Variants in LARS1 observed in about 807,000 individuals in gnomAD.
The protein encoded by LARS1 is leucyl-tRNA synthetase 1.
LARS1 carries 100 observed loss-of-function variants against 162.8 expected under a neutral mutation model. The ratio of observed to expected loss-of-function variants is 0.61; its 90% CI spans 0.52 to 0.73. The LOEUF is 0.73. Among genes scored for constraint, LARS1 ranks in the 30% least tolerant of loss-of-function variants. LARS1 has a pLI of 0.00. For missense variants in LARS1, 1,258 were observed against 1,408.9 expected (o/e 0.89, Z 1.71); for synonymous variants, 457 against 462.8 (o/e 0.99, Z 0.16).
In LARS1 at chr5:146,177,594, A is replaced by G. The variant is rs778538605; in HGVS notation, c.78T>C (p.Thr26=). Reference sequence around the variant, plus strand: ...ATGCATTGACCTCAAACACTCTCTCAGTATCCCATTTCTGTTGGATTTCTT... The same window carrying G: ...ATGCATTGACCTCAAACACTCTCTCGGTATCCCATTTCTGTTGGATTTCTT... ...IEKEIQQKWD[T]ERVFEVNASN... is the part of the protein sequence containing the mutation. Residue 26 remains threonine, a synonymous_variant, in exon 2 of 32, where the codon ACT becomes ACC. Coordinates refer to ENST00000394434, the MANE Select transcript of LARS1 (RefSeq NM_020117.11). 37 of 1,605,354 alleles carry G rather than the reference A, an allele frequency of 2.3e-5. No individual in the cohort carries two copies. Among genetic ancestry groups the G allele is most frequent in the Non-Finnish European group, 3.1e-5 (36 of 1,174,898 alleles).
At chr5:146,115,070 A>G (rs1235286812) in intron 31 of LARS1, among the ~76,000 whole-genome samples, 4 of 147,296 alleles carry the variant, frequency 2.7e-5, no homozygotes, top group Non-Finnish European at 6.0e-5. Context: ...AAAAAAAACA[A>G]TCCCAGGAGC....
At chr5:146,174,006 A>G (rs1754393402) in intron 2 of LARS1, among the ~76,000 whole-genome samples, 1 of 152,082 alleles carries the variant, frequency 6.6e-6, no homozygotes, top group Admixed American at 6.6e-5. Flanking sequence ...TTCACTAAAC[A>G]AAGCAGCTTT....
intron 4 of LARS1, among the ~76,000 whole-genome samples, chr5:146,171,335 C>T (rs187445973): frequency 2.0e-5 from 3 of 149,008 alleles, no homozygotes; most frequent in Admixed American, 6.8e-5. Flanking sequence ...GCAGCCTGGA[C>T]GACAAAAGCA....
At chr5:146,141,232 G>A (rs1752764521) in intron 20 of LARS1, among the ~76,000 whole-genome samples, 2 of 152,152 alleles carry the variant, frequency 1.3e-5, no homozygotes, top group South Asian at 4.1e-4. Flanking sequence ...TAGCTGGGTA[G>A]CTTTGGATTA....
chr5:146,144,191 G>A lies in LARS1; in HGVS notation c.1738+76C>T, dbSNP rs747908440. 11 of 1,078,478 alleles carry A rather than the reference G, an allele frequency of 1.0e-5. No individual in the cohort carries two copies. The Admixed American group carries it at 2.5e-4, about 24-fold the overall frequency. 66.8% of individuals were successfully genotyped at this position (1,078,478 alleles called of 1,614,324 possible). On this transcript the variant is annotated intron_variant, in intron 18 of 31. Coordinates refer to ENST00000394434, the MANE Select transcript of LARS1 (RefSeq NM_020117.11). ...CAGAAAACACTAGAATTGAGGGCAG[G>A]GGGGAAAGGTAAAAATGTATATTTT...
chr5:146,123,530 T>C (rs147394198), intron 29 of LARS1, among the ~76,000 whole-genome samples: 36 of 151,970 alleles, frequency 2.4e-4, no homozygotes, highest in Admixed American at 4.6e-4. Flanking sequence ...AATCATAATA[T>C]ATCATGAACC....
At position 146,157,634 on chromosome 5, in the gene LARS1, A is replaced by G. The variant is rs759535383; in HGVS notation, c.840-6T>C. The G allele has an allele frequency of 2.7e-4, 431 of 1,611,252 alleles. 1 individual carries two copies. The highest frequency in any genetic ancestry group is 3.5e-4 in the Non-Finnish European group (410 of 1,178,458). ...TATTTTTACCTTTCAGGCCACTGAGAAAAAAAAACAAATATTGATGTAAAA... is the reference window on the plus strand; with the variant it reads ...TATTTTTACCTTTCAGGCCACTGAGGAAAAAAAACAAATATTGATGTAAAA... On this transcript the variant is annotated splice_polypyrimidine_tract_variant and splice_region_variant and intron_variant, in intron 9 of 31. Coordinates refer to ENST00000394434, the MANE Select transcript of LARS1 (RefSeq NM_020117.11).
At chr5:146,182,424 G>A in intron 1 of LARS1, 64 bp downstream of exon 1, 1 of 1,604,022 alleles carries the variant, frequency 6.2e-7, no homozygotes, top group Non-Finnish European at 8.5e-7. Flanking sequence ...AGCACATGGA[G>A]AGCCCCTAGA....
Position 146,135,590 on chromosome 5 carries a change from T to A in LARS1, c.2212+11A>T, listed in dbSNP as rs2126445841. ...CCCTACAGAACAGCAATAAGAAAAA[T>A]GTTTACTCACCATCTGCTGAAAATT... On this transcript the variant is annotated intron_variant, in intron 22 of 31. Coordinates refer to ENST00000394434, the MANE Select transcript of LARS1 (RefSeq NM_020117.11). 6.3e-7 allele frequency: 1 copy of A among 1,589,048 alleles called. No individual in the cohort carries two copies. Among genetic ancestry groups the A allele is most frequent in the South Asian group, 1.1e-5 (1 of 87,224 alleles).
intron 2 of LARS1, 38 bp downstream of exon 2, chr5:146,177,503 TATATAG>T: frequency 3.1e-6 from 1 of 324,054 alleles, no homozygotes; most frequent in Non-Finnish European, 5.7e-6. Context: ...TATATATATA[TATATAG>T]AAATACAATG....
intron 1 of LARS1, among the ~76,000 whole-genome samples, chr5:146,180,680 G>A (rs1222780859): frequency 6.6e-6 from 1 of 152,114 alleles, no homozygotes; most frequent in Non-Finnish European, 1.5e-5. Flanking sequence ...AGAAAAACTT[G>A]TTTCTCAAAA....
chr5:146,128,891 CTTT>C (rs1752155793), intron 26 of LARS1, 84 bp downstream of exon 26: 7 of 1,438,188 alleles, frequency 4.9e-6, no homozygotes, highest in Non-Finnish European at 5.7e-6. Context: ...TAATGAAAAT[CTTT>C]TTAACTTTCA....
At position 146,126,526 on chromosome 5, in the gene LARS1, G is replaced by C. The variant is rs1263245016; in HGVS notation, c.2900C>G (p.Pro967Arg). The stretch of plus-strand genomic sequence containing the variant: ...TTCACTAGCAATGACTTTGTTGTCA[G>C]GCAGTTTTCCGTTATTGGCCTAAGA... ...KHFEANNGKL[P>R]DNKVIASELG... The change falls in exon 28 of 32, where the codon CCT (proline) becomes CGT (arginine). Residue 967 changes from proline to arginine, a missense_variant. By Grantham distance (103) the Pro-to-Arg change is moderately radical. Transcript: ENST00000394434. 6.2e-7 allele frequency: 1 copy of C among 1,611,638 alleles called. No homozygotes were observed. Among genetic ancestry groups the C allele is most frequent in the Admixed American group, 1.7e-5 (1 of 59,792 alleles).
At position 146,159,889 on chromosome 5, in the gene LARS1, C is replaced by T. The variant is rs143622522; in HGVS notation, c.708-419G>A. On this transcript the variant is annotated intron_variant, in intron 7 of 31. Transcript: ENST00000394434. ...GTAGAACAAAGTATAAAATAAAACA[C>T]AAATCAAATGATTACTTTTTCTGCT... 4.3e-3 allele frequency among the ~76,000 whole-genome samples: 650 copies of T among 152,014 alleles called. 5 individuals carry two copies. The highest frequency in any genetic ancestry group is 0.015 in the African/African-American group (619 of 41,486).
chr5:146,152,142 A>G, intron 13 of LARS1, 140 bp from the exon 14 acceptor site: 1 of 893,442 alleles, frequency 1.1e-6, no homozygotes, highest in South Asian at 1.6e-5. Context: ...ACATTAAGTA[A>G]TCACAGAGTG....
rs1050667355 is a variant in LARS1 at position 146,129,028 on chromosome 5, G to A, written c.2719C>T (p.His907Tyr). 1.9e-6 allele frequency: 3 copies of A among 1,611,608 alleles called. No individual in the cohort carries two copies. The highest frequency in any genetic ancestry group is 2.2e-5 in the East Asian group (1 of 44,826). ...TTCTTGAGTCGTAGTCTAAGGTCAT[G>A]TGTTACTTCCATAAGATACTGTGAG... ...HSSQYLMEVT[H>Y]DLRLRLKNYM... Residue 907 changes from histidine (H) to tyrosine (Y), a missense_variant, in exon 26 of 32, where the codon CAT becomes TAT. Transcript: ENST00000394434.
chr5:146,124,452 T>TAA (rs1451111167), intron 28 of LARS1, among the ~76,000 whole-genome samples: 1 of 151,774 alleles, frequency 6.6e-6, no homozygotes, highest in African/African-American at 2.4e-5. Flanking sequence ...AATATCCCTT[T>TAA]AAGTTACCCA....
At chr5:146,177,373 G>A (rs971852468) in intron 2 of LARS1, among the ~76,000 whole-genome samples, 174 bp downstream of exon 2, 27 of 147,782 alleles carry the variant, frequency 1.8e-4, no homozygotes, top group Non-Finnish European at 3.7e-4. Context: ...GGCTGAGGCA[G>A]GAGAATGGCA....
chr5:146,158,675 G>A (rs1425679613), intron 8 of LARS1, among the ~76,000 whole-genome samples: 1 of 152,182 alleles, frequency 6.6e-6, no homozygotes, highest in East Asian at 1.9e-4. Context: ...ACTGGAATCT[G>A]TGTATATCAA....
Sources: gnomAD v4.1 joint callset for allele counts (sites outside exome capture counted in the v4.1 genomes callset) on GRCh38, gnomAD v4.1.1 for gene constraint, MANE v1.5 for transcripts, NCBI Gene and HGNC (gene_info 2026-07-23, HGNC 2026-07-21) for gene names.